PALS2: variants seen among roughly 807,000 people sequenced by gnomAD.
PALS2 encodes protein PALS2.
Under a neutral mutation model 61.6 loss-of-function variants are expected in PALS2, and 27 were observed. The ratio of observed to expected loss-of-function variants is 0.44; its 90% CI spans 0.32 to 0.60. PALS2 has a LOEUF of 0.60. PALS2 is among the 20% of genes least tolerant of loss of function. The pLI is 0.05. For missense variants in PALS2, 554 were observed against 639.4 expected, an observed-to-expected ratio of 0.87 and a Z score of 1.44; for synonymous variants, 236 against 218.6, an observed-to-expected ratio of 1.08 and a Z score of -0.70.
rs573440757 is a variant in PALS2 at position 24,690,435 on chromosome 7, C to T, written c.*2821C>T. The T allele has an allele frequency of 6.6e-6, 1 of 152,300 alleles. No individual in the cohort carries two copies. Among genetic ancestry groups the T allele is most frequent in the East Asian group, 1.9e-4 (1 of 5,194 alleles). The allele number at this position is 152,300 out of a possible 1,614,324, so 9.4% of individuals were successfully genotyped here. A position where few individuals can be genotyped will look rare whatever the true frequency, so the allele number is the denominator to read the frequency against. ...AAGAGTTGAAATAGACACACACATGCATGTGCTTTTGGGAAACATGATGTG... is the reference window on the plus strand; with the variant it reads ...AAGAGTTGAAATAGACACACACATGTATGTGCTTTTGGGAAACATGATGTG... On this transcript the variant is annotated 3_prime_UTR_variant, in exon 12 of 12. Transcript: ENST00000222644.
Position 24,618,935 on chromosome 7 carries a change from C to T in PALS2, c.-2-4731C>T, listed in dbSNP as rs1784391643. Reference sequence around the variant, plus strand: ...GCACCAGACACTTACCGTCAGCCATCTTACTGACATCACTCTTCGTGTCTT... The same window carrying T: ...GCACCAGACACTTACCGTCAGCCATTTTACTGACATCACTCTTCGTGTCTT... On this transcript the variant is annotated intron_variant, in intron 1 of 11. Transcript: ENST00000222644. The surrounding 1 kb of genome is among the most constrained non-coding windows in gnomAD (Gnocchi z 5.1). Among the ~76,000 whole-genome samples, 1 of 152,222 alleles carries T rather than the reference C, an allele frequency of 6.6e-6. No individual in the cohort carries two copies. Among genetic ancestry groups the T allele is most frequent in the African/African-American group, 2.4e-5 (1 of 41,456 alleles).
chr7:24,615,277 A>G (rs752010091), intron 1 of PALS2, among the ~76,000 whole-genome samples: 1 of 151,924 alleles, frequency 6.6e-6, no homozygotes, highest in Non-Finnish European at 1.5e-5. Flanking sequence ...AAGGAAGAAA[A>G]TAATAAGGAT....
chr7:24,598,590 TA>T (rs1783604735), intron 1 of PALS2, among the ~76,000 whole-genome samples: 4 of 152,340 alleles, frequency 2.6e-5, no homozygotes, highest in East Asian at 3.9e-4. Flanking sequence ...GGTTAAAACT[TA>T]AAATAACCTG....
chr7:24,659,491 G>A (rs145495117), intron 5 of PALS2, among the ~76,000 whole-genome samples: 145 of 152,216 alleles, frequency 9.5e-4, no homozygotes, highest in African/African-American at 3.3e-3. Context: ...CTGCAACTTT[G>A]CCAACATCTG....
At chr7:24,610,885 A>T (rs1473052079) in intron 1 of PALS2, among the ~76,000 whole-genome samples, 1 of 152,162 alleles carries the variant, frequency 6.6e-6, no homozygotes, top group Admixed American at 6.6e-5. Context: ...TAAGTTATGC[A>T]ACATGGATCT....
Position 24,691,599 on chromosome 7 carries a change from C to G in PALS2, c.*3985C>G, listed in dbSNP as rs979140670. On this transcript the variant is annotated 3_prime_UTR_variant, in exon 12 of 12. Transcript: ENST00000222644. ...TTTTTTTAGATTGTTTTAAAACGCTCTGGTTCCACCTTGAAGCTGATAATC... is the reference window on the plus strand; with the variant it reads ...TTTTTTTAGATTGTTTTAAAACGCTGTGGTTCCACCTTGAAGCTGATAATC... The G allele has an allele frequency of 6.6e-6, 1 of 151,410 alleles. No homozygotes were observed. Among genetic ancestry groups the G allele is most frequent in the African/African-American group, 2.4e-5 (1 of 41,292 alleles). 9.4% of individuals were successfully genotyped at this position (151,410 alleles called of 1,614,324 possible). A position where few individuals can be genotyped will look rare whatever the true frequency, so the allele number is the denominator to read the frequency against.
chr7:24,680,638 C>G (rs1787873732), intron 11 of PALS2, 118 bp downstream of exon 11: 6 of 1,297,820 alleles, frequency 4.6e-6, no homozygotes, highest in Non-Finnish European at 6.1e-6. Flanking sequence ...CTTTGTCACC[C>G]AGGCTGGAGT....
intron 5 of PALS2, among the ~76,000 whole-genome samples, chr7:24,661,168 A>T (rs1344556057): frequency 6.6e-6 from 1 of 152,198 alleles, no homozygotes; most frequent in Admixed American, 6.5e-5. Context: ...AAATATAATT[A>T]TACTAAATCT....
At chr7:24,641,107 A>G (rs1451270103) in intron 2 of PALS2, among the ~76,000 whole-genome samples, 7 of 151,866 alleles carry the variant, frequency 4.6e-5, no homozygotes, top group Non-Finnish European at 8.8e-5. Context: ...AGAAAAAAAC[A>G]ACTTTACTTA....
intron 8 of PALS2, 45 bp from the exon 9 acceptor site, chr7:24,668,454 G>T: frequency 6.5e-7 from 1 of 1,527,174 alleles, no homozygotes. Flanking sequence ...TTTCTTTCAT[G>T]TATATAAAAG....
chr7:24,644,095 C>CTTTTTTTTTTTTTTTTT (rs59645237), intron 3 of PALS2, among the ~76,000 whole-genome samples: 1 of 134,260 alleles, frequency 7.4e-6, no homozygotes, highest in African/African-American at 2.7e-5. Flanking sequence ...TTTCTTTTTT[C>CTTTTTTTTTTTTTTTTT]TTTTTTTTTT....
chr7:24,623,248 T>C (rs1326254411), intron 1 of PALS2, among the ~76,000 whole-genome samples: 1 of 151,600 alleles, frequency 6.6e-6, no homozygotes, highest in Non-Finnish European at 1.5e-5. Context: ...GTTTTAATTC[T>C]TTTTTAACTG....
rs567713402 is a variant in PALS2 at position 24,660,037 on chromosome 7, A to C, written c.652-3553A>C. Among the ~76,000 whole-genome samples the C allele has an allele frequency of 1.6e-4, 25 of 152,314 alleles. No individual in the cohort carries two copies. The South Asian group carries it at 5.0e-3, about 30-fold the overall frequency. On this transcript the variant is annotated intron_variant, in intron 5 of 11. Coordinates refer to ENST00000222644, the MANE Select transcript of PALS2 (RefSeq NM_001303037.2). ...CTGCAGTTAGCTGGGGCAATTGTGC[A>C]GCTCATCTTGTTTCTTCCATCTTTT...
intron 11 of PALS2, among the ~76,000 whole-genome samples, chr7:24,686,261 G>A (rs916017963): frequency 3.9e-5 from 6 of 151,946 alleles, no homozygotes; most frequent in African/African-American, 1.5e-4. Context: ...CATAACCTAG[G>A]CAACCCTTCT....
intron 3 of PALS2, among the ~76,000 whole-genome samples, chr7:24,645,997 G>A (rs1785811965): frequency 6.6e-6 from 1 of 152,118 alleles, no homozygotes; most frequent in Admixed American, 6.6e-5. Context: ...TCATTCGGAA[G>A]GATACAAAGG....
chr7:24,683,005 A>G (rs895714475), intron 11 of PALS2, among the ~76,000 whole-genome samples: 3 of 152,198 alleles, frequency 2.0e-5, no homozygotes, highest in African/African-American at 7.2e-5. Context: ...TTGTTTTATT[A>G]ACATCATGAG....
chr7:24,640,925 G>A lies in PALS2; in HGVS notation c.118-791G>A, dbSNP rs369665956. On this transcript the variant is annotated intron_variant, in intron 2 of 11. Transcript: ENST00000222644. ...TGGGAGGCTGAGGCAGGAGAATGGC[G>A]TGAACCCGGGAGGCGGAGCTTGCAG... is the stretch of plus-strand genomic sequence containing the variant. 3.5e-3 allele frequency among the ~76,000 whole-genome samples: 514 copies of A among 147,014 alleles called. 1 individual carries two copies. In the Middle Eastern group the frequency reaches 0.036, roughly 10 times the overall value.
chr7:24,579,280 T>C (rs1414538522), intron 1 of PALS2, among the ~76,000 whole-genome samples: 1 of 152,230 alleles, frequency 6.6e-6, no homozygotes, highest in African/African-American at 2.4e-5. Context: ...TTGAAGAGGC[T>C]ATTAGTTAAC....
chr7:24,641,656 C>A, intron 2 of PALS2, 60 bp from the exon 3 acceptor site: 4 of 1,380,620 alleles, frequency 2.9e-6, no homozygotes, highest in South Asian at 1.4e-5. Flanking sequence ...AGAAATAAAC[C>A]ATGGTCTGGT....
Sources: allele counts gnomAD v4.1 joint callset (sites outside exome capture counted in the v4.1 genomes callset), GRCh38; gene constraint gnomAD v4.1.1; non-coding constraint Gnocchi (gnomAD v3.1); transcripts MANE v1.5; gene names NCBI Gene and HGNC (gene_info 2026-07-23, HGNC 2026-07-21).